Variants in TAS2R1 observed in about 807,000 individuals in gnomAD.
TAS2R1 encodes the protein taste receptor type 2 member 1.
For synonymous variants in TAS2R1, 141 were observed against 134.2 expected (o/e 1.05, Z -0.35); for missense variants, 370 against 353.4 (o/e 1.05, Z -0.38).
chr5:9,852,649 T>A, the TAS2R1 span, among the ~76,000 whole-genome samples: 4 of 152,330 alleles, frequency 2.6e-5, no homozygotes, highest in Non-Finnish European at 4.4e-5. Flanking sequence ...CTGTCTCAGA[T>A]GTAATACATA....
At chr5:9,775,606 T>C in the TAS2R1 span, among the ~76,000 whole-genome samples, 2 of 152,158 alleles carry the variant, frequency 1.3e-5, no homozygotes, top group East Asian at 3.9e-4. Flanking sequence ...TGGGGGCTGC[T>C]GTTGATTATT....
At chr5:9,810,711 T>A in the TAS2R1 span, among the ~76,000 whole-genome samples, 6 of 152,004 alleles carry the variant, frequency 3.9e-5, no homozygotes, top group Non-Finnish European at 8.8e-5. Flanking sequence ...AGGAGGAGGA[T>A]CCATAATCCA....
chr5:9,896,388 T>C, the TAS2R1 span, among the ~76,000 whole-genome samples: 4 of 152,234 alleles, frequency 2.6e-5, no homozygotes, highest in African/African-American at 9.6e-5. Flanking sequence ...TTTCATTTTT[T>C]GGAGGCTACA....
At chr5:9,720,428 G>A in the TAS2R1 span, among the ~76,000 whole-genome samples, 3 of 152,294 alleles carry the variant, frequency 2.0e-5, no homozygotes, top group South Asian at 4.1e-4. Flanking sequence ...GAGAGCAAAC[G>A]GAAATGTGGA....
intron 1 of TAS2R1, among the ~76,000 whole-genome samples, chr5:9,660,225 A>ATTTTTTTTTTTTTTTTT: frequency 1.1e-5 from 1 of 88,820 alleles, no homozygotes; most frequent in Non-Finnish European, 2.1e-5. Flanking sequence ...CTCCCGGCTA[A>ATTTTTTTTTTTTTTTTT]TTTTTTTTTT....
the TAS2R1 span, among the ~76,000 whole-genome samples, chr5:9,738,426 T>C: frequency 3.3e-5 from 5 of 152,142 alleles, no homozygotes; most frequent in African/African-American, 9.7e-5. Flanking sequence ...AAAAAGGCGC[T>C]CCTCCTAGGC....
At chr5:9,820,819 A>C in the TAS2R1 span, among the ~76,000 whole-genome samples, 1 of 152,232 alleles carries the variant, frequency 6.6e-6, no homozygotes, top group East Asian at 1.9e-4. Flanking sequence ...ATCTGTCCCA[A>C]GGCCCTGAAC....
chr5:9,851,262 A>G, the TAS2R1 span, among the ~76,000 whole-genome samples: 1 of 152,122 alleles, frequency 6.6e-6, no homozygotes, highest in Non-Finnish European at 1.5e-5. Flanking sequence ...CGAGTTGAAA[A>G]CCTTTATTGA....
chr5:9,667,639 G>C (rs578257727), intron 1 of TAS2R1, among the ~76,000 whole-genome samples: 131 of 152,086 alleles, frequency 8.6e-4, no homozygotes, highest in Non-Finnish European at 1.0e-3. Context: ...AAGAAATGTG[G>C]GCATGAAGAC....
chr5:9,801,926 C>T, the TAS2R1 span, among the ~76,000 whole-genome samples: 1 of 152,174 alleles, frequency 6.6e-6, no homozygotes, highest in Non-Finnish European at 1.5e-5. Flanking sequence ...CCTGCCCCAA[C>T]CTGGTGGTCT....
Position 9,629,150 on chromosome 5 carries a change from T to G in TAS2R1, c.883A>C (p.Ser295Arg). 1 of 1,567,280 alleles carries G rather than the reference T, an allele frequency of 6.4e-7. No individual in the cohort carries two copies. The highest frequency in any genetic ancestry group is 8.6e-7 in the Non-Finnish European group (1 of 1,158,822). ...CTTCTCTCTCACTGACAGCACTTACTGTGGAGGAGGAACTTTTTTGCATTT... is the reference window on the plus strand; with the variant it reads ...CTTCTCTCTCACTGACAGCACTTACGGTGGAGGAGGAACTTTTTTGCATTT... ...KQNAKKFLLH[S>R]KCCQ is the part of the protein sequence containing the mutation. The change falls in exon 1 of 1, where the codon AGT (serine) becomes CGT (arginine). Residue 295 changes from serine to arginine, a missense_variant. Transcript: ENST00000382492.
chr5:9,815,867 C>T, the TAS2R1 span, among the ~76,000 whole-genome samples: 1 of 152,154 alleles, frequency 6.6e-6, no homozygotes, highest in Non-Finnish European at 1.5e-5. Context: ...ACTCCACCAG[C>T]TTTGGAATGG....
the TAS2R1 span, among the ~76,000 whole-genome samples, chr5:9,732,507 A>C: frequency 2.6e-5 from 4 of 152,172 alleles, no homozygotes; most frequent in Non-Finnish European, 5.9e-5. Context: ...GACAAGGGGA[A>C]GATGGAAGGA....
upstream of TAS2R1, among the ~76,000 whole-genome samples, chr5:9,633,409 G>A (rs531401206): frequency 6.6e-6 from 1 of 150,550 alleles, no homozygotes; most frequent in Admixed American, 6.6e-5. Flanking sequence ...CTATAAACAT[G>A]CATGTGCAAG....
the TAS2R1 span, among the ~76,000 whole-genome samples, chr5:9,878,396 C>A: frequency 2.0e-5 from 3 of 152,164 alleles, no homozygotes; most frequent in African/African-American, 7.2e-5. Flanking sequence ...ATTGCTTTCC[C>A]TCACTAGAGC....
the TAS2R1 span, among the ~76,000 whole-genome samples, chr5:9,769,188 G>A: frequency 6.6e-6 from 1 of 151,990 alleles, no homozygotes. Context: ...TCTGTGCCTG[G>A]TTTATTTCAC....
chr5:9,884,237 A>T, the TAS2R1 span, among the ~76,000 whole-genome samples: 1 of 151,956 alleles, frequency 6.6e-6, no homozygotes, highest in Non-Finnish European at 1.5e-5. Flanking sequence ...GCACTTTGGG[A>T]GGCGGAGGTG....
chr5:9,804,448 T>C, the TAS2R1 span, among the ~76,000 whole-genome samples: 1 of 152,148 alleles, frequency 6.6e-6, no homozygotes, highest in Non-Finnish European at 1.5e-5. Flanking sequence ...ATACAATCTA[T>C]TCTTCAGCAC....
intron 1 of TAS2R1, among the ~76,000 whole-genome samples, chr5:9,663,406 G>A (rs1224526717): frequency 1.3e-5 from 2 of 152,044 alleles, no homozygotes; most frequent in African/African-American, 2.4e-5. Context: ...TACAATGGAG[G>A]AGGAGAGATT....
Sources: allele counts gnomAD v4.1 joint callset (sites outside exome capture counted in the v4.1 genomes callset), GRCh38; gene constraint gnomAD v4.1.1; transcripts MANE v1.5; gene names NCBI Gene and HGNC (gene_info 2026-07-23, HGNC 2026-07-21).